Variants in PPP1R14C observed in about 807,000 individuals in gnomAD.
The protein encoded by PPP1R14C is protein phosphatase 1 regulatory subunit 14C.
PPP1R14C carries 16 observed loss-of-function variants against 20.4 expected under a neutral mutation model. That is an observed-to-expected ratio of 0.78 (90% CI 0.53 to 1.19). The LOEUF is 1.19. PPP1R14C is among the 50% of genes most tolerant of loss of function. The pLI, the probability that PPP1R14C is intolerant of heterozygous loss-of-function variation, is 0.00. For missense variants in PPP1R14C, 211 were observed against 220.1 expected, an observed-to-expected ratio of 0.96 and a Z score of 0.26; for synonymous variants, 91 against 91.0, an observed-to-expected ratio of 1.00 and a Z score of 0.00.
intron 3 of PPP1R14C, among the ~76,000 whole-genome samples, chr6:150,236,509 G>C (rs529161260): frequency 6.6e-5 from 10 of 152,258 alleles, no homozygotes; most frequent in African/African-American, 2.4e-4. Flanking sequence ...TTTTCCGTGA[G>C]AGGGTAAAAC....
intron 1 of PPP1R14C, among the ~76,000 whole-genome samples, chr6:150,147,074 A>G (rs1777187425): frequency 6.6e-6 from 1 of 150,870 alleles, no homozygotes; most frequent in South Asian, 2.1e-4. Flanking sequence ...TAATGTAACC[A>G]TTAGACTAAA....
chr6:150,236,135 C>G (rs1432227024), intron 3 of PPP1R14C, among the ~76,000 whole-genome samples: 1 of 152,192 alleles, frequency 6.6e-6, no homozygotes, highest in Non-Finnish European at 1.5e-5. Context: ...CGGTTTGAAT[C>G]TTGGTCTGAC....
At chr6:150,206,337 G>A (rs1425435094) in intron 1 of PPP1R14C, among the ~76,000 whole-genome samples, 8 of 152,048 alleles carry the variant, frequency 5.3e-5, no homozygotes, top group African/African-American at 1.7e-4. Flanking sequence ...TAATCCCCAC[G>A]AGAGCAAATA....
At chr6:150,188,951 C>T (rs773159575) in intron 1 of PPP1R14C, among the ~76,000 whole-genome samples, 1 of 150,214 alleles carries the variant, frequency 6.7e-6, no homozygotes, top group Non-Finnish European at 1.5e-5. Flanking sequence ...CTCTGCCTCC[C>T]AGGTTCAAGC....
At chr6:150,144,144 T>C (rs1268970941) in intron 1 of PPP1R14C, among the ~76,000 whole-genome samples, 2 of 152,226 alleles carry the variant, frequency 1.3e-5, no homozygotes, top group Admixed American at 1.3e-4. Flanking sequence ...GTTTTTCCTC[T>C]CTAAGCTCAG....
At chr6:150,171,310 G>T (rs562453616) in intron 1 of PPP1R14C, among the ~76,000 whole-genome samples, 6 of 152,326 alleles carry the variant, frequency 3.9e-5, no homozygotes, top group Non-Finnish European at 5.9e-5. Flanking sequence ...GCTGGTACAA[G>T]CCAGCTCCAT....
chr6:150,237,546 C>A (rs565750799), intron 3 of PPP1R14C, among the ~76,000 whole-genome samples: 1 of 152,256 alleles, frequency 6.6e-6, no homozygotes, highest in Admixed American at 6.5e-5. Context: ...CTGGAAAGTT[C>A]AGTGTAGTCT....
chr6:150,189,680 C>T (rs1777719405), intron 1 of PPP1R14C, among the ~76,000 whole-genome samples: 1 of 151,888 alleles, frequency 6.6e-6, no homozygotes, highest in African/African-American at 2.4e-5. Flanking sequence ...TTTTGCTTTT[C>T]TTTCGGTAGA....
chr6:150,191,496 T>C (rs1025562069), intron 1 of PPP1R14C, among the ~76,000 whole-genome samples: 5 of 152,192 alleles, frequency 3.3e-5, no homozygotes, highest in Admixed American at 1.3e-4. Flanking sequence ...ACATCAGATG[T>C]GTGTATGTCT....
At chr6:150,195,289 G>T in intron 1 of PPP1R14C, 1 of 445,750 alleles carries the variant, frequency 2.2e-6, no homozygotes, top group Non-Finnish European at 3.0e-6. Flanking sequence ...TAAATGAAAT[G>T]CAGTTCCTGC....
Position 150,143,160 on chromosome 6 carries a change from C to T in PPP1R14C, c.-33C>T, listed in dbSNP as rs1434219780. ...CGGGCGCGCTCCGCCCGCCCCTCCT[C>T]CGGGCCGCACTGAGGCTCGGGCGCG... On this transcript the variant is annotated 5_prime_UTR_variant, in exon 1 of 4. Coordinates refer to ENST00000361131, the MANE Select transcript of PPP1R14C (RefSeq NM_030949.3). This position sits in a 1 kb window ranked among gnomAD's most constrained non-coding sequence, Gnocchi z 5.6. 3 of 1,248,218 alleles carry T rather than the reference C, an allele frequency of 2.4e-6. No individual in the cohort carries two copies. The highest frequency in any genetic ancestry group is 8.7e-5 in the Admixed American group (2 of 22,908). The allele number at this position is 1,248,218 out of a possible 1,614,324, so 77.3% of individuals were successfully genotyped here. A position where few individuals can be genotyped will look rare whatever the true frequency, so the allele number is the denominator to read the frequency against.
At chr6:150,222,835 G>A (rs186346418) in intron 3 of PPP1R14C, among the ~76,000 whole-genome samples, 7 of 125,370 alleles carry the variant, frequency 5.6e-5, no homozygotes, top group South Asian at 2.7e-4. Context: ...GCAGTGGCAC[G>A]ATCTCTGCTC....
rs1241911589 is a variant in PPP1R14C at position 150,185,209 on chromosome 6, A to G, written c.307-29535A>G. Among the ~76,000 whole-genome samples, 1 of 152,174 alleles carries G rather than the reference A, an allele frequency of 6.6e-6. No homozygotes were observed. Among genetic ancestry groups the G allele is most frequent in the African/African-American group, 2.4e-5 (1 of 41,432 alleles). On this transcript the variant is annotated intron_variant, in intron 1 of 3. Transcript: ENST00000361131. This position sits in a 1 kb window ranked among gnomAD's most constrained non-coding sequence, Gnocchi z 4.1. ...TTTCTTTATCGATTTCCTCATCTAT[A>G]ACATGTCAACAATGGTATTGCCTCT...
chr6:150,205,241 C>T (rs540017682), intron 1 of PPP1R14C, among the ~76,000 whole-genome samples: 1 of 152,142 alleles, frequency 6.6e-6, no homozygotes, highest in Admixed American at 6.5e-5. Context: ...TGCCGCCGCC[C>T]CCAGGCAGTT....
chr6:150,227,194 G>A (rs1778240446), intron 3 of PPP1R14C, among the ~76,000 whole-genome samples: 1 of 152,174 alleles, frequency 6.6e-6, no homozygotes, highest in African/African-American at 2.4e-5. Flanking sequence ...TACAATACAG[G>A]AAAACCATGT....
intron 1 of PPP1R14C, among the ~76,000 whole-genome samples, chr6:150,207,150 A>G (rs1777963238): frequency 6.6e-6 from 1 of 152,196 alleles, no homozygotes; most frequent in African/African-American, 2.4e-5. Context: ...GGTGTGAGCC[A>G]CTGTGCCCGG....
chr6:150,164,634 A>G, intron 1 of PPP1R14C: 1 of 193,266 alleles, frequency 5.2e-6, no homozygotes, highest in Admixed American at 4.5e-5. Context: ...TGCATGTGTG[A>G]AATGTGCCAG....
intron 3 of PPP1R14C, among the ~76,000 whole-genome samples, chr6:150,220,637 T>G (rs988101891): frequency 6.6e-6 from 1 of 152,246 alleles, no homozygotes; most frequent in African/African-American, 2.4e-5. Context: ...TCTTCAGTTC[T>G]CCACCTAAGT....
chr6:150,174,415 A>T (rs377070073), intron 1 of PPP1R14C, among the ~76,000 whole-genome samples: 3,593 of 148,976 alleles, frequency 0.024, 81 homozygotes, highest in East Asian at 0.15. Context: ...ATGGGGTTTC[A>T]CCGTGTTAGC....
Sources: allele counts gnomAD v4.1 joint callset (sites outside exome capture counted in the v4.1 genomes callset), GRCh38; gene constraint gnomAD v4.1.1; non-coding constraint Gnocchi (gnomAD v3.1); transcripts MANE v1.5; gene names NCBI Gene and HGNC (gene_info 2026-07-23, HGNC 2026-07-21).